RCC1L: variants seen among roughly 807,000 people sequenced by gnomAD.
RCC1L encodes RCC1 like.
Under a neutral mutation model 58.6 loss-of-function variants are expected in RCC1L, and 46 were observed. The ratio of observed to expected loss-of-function variants is 0.79; its 90% CI spans 0.62 to 1.00. The LOEUF (loss-of-function observed/expected upper bound fraction) is 1.00. Among genes scored for constraint, RCC1L ranks in the 50% least tolerant of loss-of-function variants. The pLI is 0.00. For missense variants in RCC1L, 636 were observed against 623.6 expected, an observed-to-expected ratio of 1.02 and a Z score of -0.21; for synonymous variants, 281 against 262.9, an observed-to-expected ratio of 1.07 and a Z score of -0.67.
At chr7:75,057,654 A>T in intron 7 of RCC1L, 38 bp from the exon 8 acceptor site, 2 of 1,603,370 alleles carry the variant, frequency 1.2e-6, no homozygotes, top group East Asian at 4.5e-5. Context: ...TAGGAAAGCA[A>T]GCCAGTAAGG....
At chr7:75,036,789 A>G (rs1025341461) in intron 10 of RCC1L, among the ~76,000 whole-genome samples, 29 of 152,190 alleles carry the variant, frequency 1.9e-4, no homozygotes, top group African/African-American at 7.0e-4. Context: ...AGTCCCAGCT[A>G]TTCGGGAGGC....
rs1270031932 is a variant in RCC1L at position 75,042,592 on chromosome 7, G to A, written c.*440C>T. The A allele has an allele frequency of 2.0e-5, 20 of 1,004,390 alleles. No individual in the cohort carries two copies. The Admixed American group carries it at 5.8e-4, about 29-fold the overall frequency. 62.2% of individuals were successfully genotyped at this position (1,004,390 alleles called of 1,614,324 possible). ...GGGCCGAAGCCAGCCTGACTCCCTC[G>A]CCTAAGCTGGGGCTCGGTCCGAGGC... On this transcript the variant is annotated 3_prime_UTR_variant, in exon 11 of 11. Transcript: ENST00000610322.
chr7:75,039,260 G>A (rs928495205), downstream of RCC1L, among the ~76,000 whole-genome samples: 198 of 152,352 alleles, frequency 1.3e-3, no homozygotes, highest in African/African-American at 3.5e-3. Flanking sequence ...CCTGAGTTTT[G>A]ATTCTGGCCC....
Position 75,058,788 on chromosome 7 carries a change from C to T in RCC1L, c.788-19G>A, listed in dbSNP as rs1554444248. ...CCCAGACCTAACACAGTGGAAAATA[C>T]AGATTTTTAATTATTCGCTCTTTTA... On this transcript the variant is annotated intron_variant, in intron 6 of 10. Transcript: ENST00000610322. 9 of 1,613,798 alleles carry T rather than the reference C, an allele frequency of 5.6e-6. No homozygotes were observed. In the Admixed American group the frequency reaches 1.5e-4, roughly 27 times the overall value.
intron 10 of RCC1L, among the ~76,000 whole-genome samples, chr7:75,043,315 C>G (rs935087777): frequency 2.0e-5 from 3 of 152,232 alleles, no homozygotes; most frequent in Non-Finnish European, 2.9e-5. Flanking sequence ...CTTAGGCCTC[C>G]CCAGCAGGTC....
chr7:75,070,937 AAT>A (rs1554445998), intron 1 of RCC1L, among the ~76,000 whole-genome samples, 168 bp from the exon 2 acceptor site: 4 of 152,088 alleles, frequency 2.6e-5, no homozygotes, highest in African/African-American at 9.7e-5. Flanking sequence ...GCAGTGGCGC[AAT>A]CTCGGCTCAC....
Position 75,034,723 on chromosome 7 carries a change from C to T in RCC1L, c.1318-6644G>A, listed in dbSNP as rs998448733. Among the ~76,000 whole-genome samples the T allele has an allele frequency of 3.3e-5, 5 of 152,138 alleles. No homozygotes were observed. In the South Asian group the frequency reaches 8.3e-4, roughly 25 times the overall value. ...TTGTTTTTTTCTTTAAATTTATTTG[C>T]TCACTGCAGCCTCGAACTCCTGGTC... On this transcript the variant is annotated intron_variant, in intron 10 of 10. Transcript: ENST00000614461.
intron 3 of RCC1L, among the ~76,000 whole-genome samples, chr7:75,065,397 A>G (rs1432459940): frequency 2.0e-5 from 3 of 151,930 alleles, no homozygotes; most frequent in Non-Finnish European, 4.4e-5. Flanking sequence ...TCTACTAAAA[A>G]TACAAAAATT....
chr7:75,047,809 G>A (rs1805774035), intron 10 of RCC1L, among the ~76,000 whole-genome samples: 1 of 151,166 alleles, frequency 6.6e-6, no homozygotes, highest in African/African-American at 2.4e-5. Context: ...CCCACGCCTG[G>A]CTAATTTTTG....
intron 6 of RCC1L, among the ~76,000 whole-genome samples, chr7:75,059,281 T>C (rs1445352241): frequency 2.0e-5 from 3 of 151,486 alleles, no homozygotes; most frequent in African/African-American, 4.8e-5. Flanking sequence ...TTTTTTTTTT[T>C]TGAGACGGTC....
At chr7:75,055,596 A>C in intron 9 of RCC1L, 1 of 409,028 alleles carries the variant, frequency 2.4e-6, no homozygotes, top group South Asian at 2.2e-5. Context: ...GGTTTCCTCC[A>C]GCACCCGACG....
intron 3 of RCC1L, 169 bp from the exon 4 acceptor site, chr7:75,064,817 G>A (rs1563078416): frequency 1.1e-5 from 8 of 727,406 alleles, no homozygotes; most frequent in Non-Finnish European, 2.0e-5. Context: ...AAACTCACAA[G>A]GGGCATGGGG....
chr7:75,071,681 C>T (rs1205237976), intron 1 of RCC1L, among the ~76,000 whole-genome samples: 1 of 152,112 alleles, frequency 6.6e-6, no homozygotes, highest in South Asian at 2.1e-4. Flanking sequence ...ACACCACCAT[C>T]TCTTAGCGCG....
Position 75,029,824 on chromosome 7 carries a change from G to T in RCC1L, c.1318-1745C>A, listed in dbSNP as rs968011446. On this transcript the variant is annotated intron_variant, in intron 10 of 10. Transcript: ENST00000614461. The stretch of plus-strand genomic sequence containing the variant: ...CCAACAGAGAAAAGACATTGGCTTT[G>T]GGTACCATGCTGAGGGAGGGGGTTA... Among the ~76,000 whole-genome samples the T allele has an allele frequency of 8.9e-3, 1,357 of 152,290 alleles. 12 individuals carry two copies. The highest frequency in any genetic ancestry group is 0.014 in the Non-Finnish European group (971 of 68,022).
chr7:75,073,567 G>A lies in RCC1L; in HGVS notation c.171C>T (p.Arg57=). The A allele has an allele frequency of 6.6e-7, 1 of 1,508,632 alleles. No homozygotes were observed. The highest frequency in any genetic ancestry group is 8.8e-7 in the Non-Finnish European group (1 of 1,137,730). 93.5% of individuals were successfully genotyped at this position (1,508,632 alleles called of 1,614,324 possible). A position where few individuals can be genotyped will look rare whatever the true frequency, so the allele number is the denominator to read the frequency against. The change falls in exon 1 of 11, where the codon CGC becomes CGT. Residue 57 remains arginine, a synonymous_variant. Coordinates refer to ENST00000610322, the MANE Select transcript of RCC1L (RefSeq NM_030798.5). ...VVQYVGERAA[R]ADRVFVWGFS... Reference sequence around the variant, plus strand: ...AGCCCCACACGAAGACGCGATCGGCGCGGGCAGCGCGCTCGCCCACGTACT... The same window carrying A: ...AGCCCCACACGAAGACGCGATCGGCACGGGCAGCGCGCTCGCCCACGTACT...
At chr7:75,067,441 C>T (rs1280547823) in intron 2 of RCC1L, among the ~76,000 whole-genome samples, 10 of 152,064 alleles carry the variant, frequency 6.6e-5, no homozygotes, top group Non-Finnish European at 1.0e-4. Flanking sequence ...CCCACCTGGC[C>T]AACAAGGTGA....
At chr7:75,060,298 G>C (rs1195876783) in intron 6 of RCC1L, among the ~76,000 whole-genome samples, 1 of 152,222 alleles carries the variant, frequency 6.6e-6, no homozygotes, top group Non-Finnish European at 1.5e-5. Context: ...GCCCCTTTAA[G>C]GACCCTGGAT....
chr7:75,035,694 GTTATA>G (rs1227757689), intron 10 of RCC1L, among the ~76,000 whole-genome samples: 2 of 150,752 alleles, frequency 1.3e-5, no homozygotes, highest in African/African-American at 2.4e-5. Flanking sequence ...TATGCAAAAT[GTTATA>G]TTATATATTA....
chr7:75,062,720 T>C (rs1258150432), intron 5 of RCC1L, among the ~76,000 whole-genome samples: 1 of 152,222 alleles, frequency 6.6e-6, no homozygotes, highest in Non-Finnish European at 1.5e-5. Context: ...CCCCAGAGGC[T>C]GACGTTACAG....
Sources: gnomAD v4.1 joint callset for allele counts (sites outside exome capture counted in the v4.1 genomes callset) on GRCh38, gnomAD v4.1.1 for gene constraint, MANE v1.5 for transcripts, NCBI Gene and HGNC (gene_info 2026-07-23, HGNC 2026-07-21) for gene names.